The following PIK3R5 variants were observed in gnomAD, a reference collection of about 807,000 sequenced individuals.
The protein encoded by PIK3R5 is phosphoinositide 3-kinase regulatory subunit 5.
A neutral mutation model predicts 94.9 loss-of-function variants in PIK3R5; 32 were observed. The ratio of observed to expected loss-of-function variants is 0.34; its 90% CI spans 0.25 to 0.45. The LOEUF is 0.45. Among genes scored for constraint, PIK3R5 ranks in the 20% least tolerant of loss-of-function variants. The pLI, the probability that PIK3R5 is intolerant of heterozygous loss-of-function variation, is 1.00. For missense variants in PIK3R5, 853 were observed against 1,144.6 expected, an observed-to-expected ratio of 0.75 and a Z score of 3.68; for synonymous variants, 443 against 479.4, an observed-to-expected ratio of 0.92 and a Z score of 0.99.
rs1487416982 is a variant in PIK3R5 at position 8,881,958 on chromosome 17, G to A, written c.2206-77C>T. The A allele has an allele frequency of 8.2e-6, 9 of 1,103,262 alleles. No homozygotes were observed. Among genetic ancestry groups the A allele is most frequent in the Non-Finnish European group, 1.2e-5 (9 of 735,576 alleles). The allele number at this position is 1,103,262 out of a possible 1,614,324, so 68.3% of individuals were successfully genotyped here. ...CTGCCTTCTCTTTGAAGGCCCATCA[G>A]TGACAGGGGGTTGCCTCTAGTTAGC... On this transcript the variant is annotated intron_variant, in intron 15 of 18. Coordinates refer to ENST00000447110, the MANE Select transcript of PIK3R5 (RefSeq NM_001142633.3). The surrounding 1 kb of genome is among the most constrained non-coding windows in gnomAD (Gnocchi z 4.8).
At chr17:8,943,539 G>A (rs1202060372) in intron 1 of PIK3R5, among the ~76,000 whole-genome samples, 2 of 152,168 alleles carry the variant, frequency 1.3e-5, no homozygotes, top group Non-Finnish European at 2.9e-5. Context: ...TTGGGAGGCC[G>A]AGGCGGATGC....
In PIK3R5 at chr17:8,880,805, G is replaced by A. The variant is rs1454787869; in HGVS notation, c.2496-19C>T. The A allele has an allele frequency of 1.2e-6, 2 of 1,612,870 alleles. No individual in the cohort carries two copies. The highest frequency in any genetic ancestry group is 1.7e-6 in the Non-Finnish European group (2 of 1,179,174). On this transcript the variant is annotated intron_variant, in intron 18 of 18. Coordinates refer to ENST00000447110, the MANE Select transcript of PIK3R5 (RefSeq NM_001142633.3). ...CTCACATCTGTGCAGCAGGGCAGGG[G>A]CCAGGGATCAGAGCAGGCCCCCATC...
intron 3 of PIK3R5, 94 bp from the exon 4 acceptor site, chr17:8,905,831 CT>C (rs578092015): frequency 0.31 from 118,257 of 379,180 alleles, 4,860 homozygotes; most frequent in Non-Finnish European, 0.33. Flanking sequence ...TCTAGCCTTT[CT>C]TTTTTTTTTT....
chr17:8,950,274 G>C (rs1027134131), intron 1 of PIK3R5, among the ~76,000 whole-genome samples: 2 of 152,174 alleles, frequency 1.3e-5, no homozygotes, highest in Admixed American at 6.5e-5. Context: ...CCCTGCCTTT[G>C]GTCCTTTATA....
chr17:8,959,419 CTGTGTG>C (rs34656716), intron 1 of PIK3R5, among the ~76,000 whole-genome samples: 9 of 150,788 alleles, frequency 6.0e-5, no homozygotes, highest in Admixed American at 5.9e-4. Flanking sequence ...GCGAGAGAGA[CTGTGTG>C]TGTGTGTGTG....
Position 8,880,588 on chromosome 17 carries a change from G to A in PIK3R5, c.*51C>T, listed in dbSNP as rs541256857. ...CAGAGAGGGACTGTCCTGGAGGGGT[G>A]GCCGAGGAGGTTGCCCCAGGGCTTC... On this transcript the variant is annotated 3_prime_UTR_variant, in exon 19 of 19. Coordinates refer to ENST00000447110, the MANE Select transcript of PIK3R5 (RefSeq NM_001142633.3). 6.6e-6 allele frequency: 10 copies of A among 1,519,196 alleles called. No homozygotes were observed. The African/African-American group carries it at 1.2e-4, about 19-fold the overall frequency. The allele number at this position is 1,519,196 out of a possible 1,614,324, so 94.1% of individuals were successfully genotyped here.
In PIK3R5 at chr17:8,884,233, C is replaced by A. The variant is rs963916080; in HGVS notation, c.2205+474G>T. On this transcript the variant is annotated intron_variant, in intron 15 of 18. Coordinates refer to ENST00000447110, the MANE Select transcript of PIK3R5 (RefSeq NM_001142633.3). This position sits in a 1 kb window ranked among gnomAD's most constrained non-coding sequence, Gnocchi z 5.8. ...TTCCCTCAGCCTGGACCTTGGGATG[C>A]GACCTGCTCAGAGAACTCATGTCTT... 6.6e-6 allele frequency among the ~76,000 whole-genome samples: 1 copy of A among 152,116 alleles called. No individual in the cohort carries two copies. The highest frequency in any genetic ancestry group is 1.9e-4 in the East Asian group (1 of 5,200).
chr17:8,911,977 C>T lies in PIK3R5; in HGVS notation c.-13-470G>A, dbSNP rs570473994. On this transcript the variant is annotated intron_variant, in intron 1 of 18. Coordinates refer to ENST00000447110, the MANE Select transcript of PIK3R5 (RefSeq NM_001142633.3). The surrounding 1 kb of genome is among the most constrained non-coding windows in gnomAD (Gnocchi z 5.3). Reference sequence around the variant, plus strand: ...CTGATGACAAGGCCACAGCAACTCCCTCAATATGCTTGGAGGGAGCTCCCT... The same window carrying T: ...CTGATGACAAGGCCACAGCAACTCCTTCAATATGCTTGGAGGGAGCTCCCT... The T allele has an allele frequency of 3.3e-5, 5 of 152,900 alleles. No individual in the cohort carries two copies. Among genetic ancestry groups the T allele is most frequent in the African/African-American group, 1.2e-4 (5 of 41,584 alleles). The allele number at this position is 152,900 out of a possible 1,614,324, so 9.5% of individuals were successfully genotyped here.
intron 1 of PIK3R5, among the ~76,000 whole-genome samples, chr17:8,947,658 T>A (rs539331168): frequency 2.0e-5 from 3 of 152,122 alleles, no homozygotes; most frequent in African/African-American, 7.2e-5. Flanking sequence ...CCAGTGTGAC[T>A]TCCTGGGGCA....
At chr17:8,919,995 T>A (rs2090706860) in intron 1 of PIK3R5, among the ~76,000 whole-genome samples, 2 of 151,234 alleles carry the variant, frequency 1.3e-5, no homozygotes, top group Non-Finnish European at 2.9e-5. Context: ...GTTCAAGGGA[T>A]TCTCTTGCCT....
intron 6 of PIK3R5, 129 bp from the exon 7 acceptor site, chr17:8,891,041 G>T: frequency 1.2e-6 from 1 of 860,812 alleles, no homozygotes; most frequent in Middle Eastern, 3.5e-4. Flanking sequence ...GGCAGAGCTC[G>T]AGGAGGTGAC....
intron 1 of PIK3R5, among the ~76,000 whole-genome samples, chr17:8,915,413 CAA>C (rs201916256): frequency 3.2e-4 from 33 of 103,926 alleles, no homozygotes; most frequent in Admixed American, 3.0e-4. Flanking sequence ...GACTCTGTCT[CAA>C]AAAAAAAAAA....
chr17:8,906,802 A>G (rs534724992), intron 3 of PIK3R5, among the ~76,000 whole-genome samples: 11 of 152,276 alleles, frequency 7.2e-5, no homozygotes, highest in African/African-American at 1.9e-4. Flanking sequence ...GTCTCCAAAA[A>G]AAAAGGAGAA....
chr17:8,925,993 G>A lies in PIK3R5; in HGVS notation c.-13-14486C>T, dbSNP rs899646409. On this transcript the variant is annotated intron_variant, in intron 1 of 18. Transcript: ENST00000447110. This position sits in a 1 kb window ranked among gnomAD's most constrained non-coding sequence, Gnocchi z 5.1. Reference sequence around the variant, plus strand: ...TGTGGTCACTGAGGCTGTGAACCATGTGAAGCGAGAAGAGTGAGGAGAACA... The same window carrying A: ...TGTGGTCACTGAGGCTGTGAACCATATGAAGCGAGAAGAGTGAGGAGAACA... Among the ~76,000 whole-genome samples, 2 of 152,222 alleles carry A rather than the reference G, an allele frequency of 1.3e-5. No homozygotes were observed. Among genetic ancestry groups the A allele is most frequent in the African/African-American group, 2.4e-5 (1 of 41,454 alleles).
At position 8,884,654 on chromosome 17, in the gene PIK3R5, G is replaced by A. The variant is rs1172839586; in HGVS notation, c.2205+53C>T. 60 of 1,411,060 alleles carry A rather than the reference G, an allele frequency of 4.3e-5. No homozygotes were observed. Among genetic ancestry groups the A allele is most frequent in the Non-Finnish European group, 5.8e-5 (58 of 998,206 alleles). 87.4% of individuals were successfully genotyped at this position (1,411,060 alleles called of 1,614,324 possible). A position where few individuals can be genotyped will look rare whatever the true frequency, so the allele number is the denominator to read the frequency against. Reference sequence around the variant, plus strand: ...AGCTCTGGGTCCAAGCTCTGGCGGAGGAAGTATCAGCAGCAGATCCTGGAG... The same window carrying A: ...AGCTCTGGGTCCAAGCTCTGGCGGAAGAAGTATCAGCAGCAGATCCTGGAG... On this transcript the variant is annotated intron_variant, in intron 15 of 18. Transcript: ENST00000447110. This position sits in a 1 kb window ranked among gnomAD's most constrained non-coding sequence, Gnocchi z 5.8.
chr17:8,902,403 T>C (rs1034846497), intron 5 of PIK3R5, among the ~76,000 whole-genome samples: 20 of 151,812 alleles, frequency 1.3e-4, no homozygotes, highest in African/African-American at 4.1e-4. Context: ...TACAGGTGTA[T>C]GCCACCACGC....
chr17:8,913,182 C>T (rs1169968706), intron 1 of PIK3R5, among the ~76,000 whole-genome samples: 1 of 152,110 alleles, frequency 6.6e-6, no homozygotes, highest in African/African-American at 2.4e-5. Flanking sequence ...GTCAGGGAGG[C>T]CTCTCTGAAG....
chr17:8,891,015 G>A, intron 6 of PIK3R5, 103 bp from the exon 7 acceptor site: 1 of 1,156,560 alleles, frequency 8.6e-7, no homozygotes, highest in Non-Finnish European at 1.2e-6. Context: ...CTGAGACCAG[G>A]GCCTCCTCAA....
rs896289643 is a variant in PIK3R5 at position 8,881,485 on chromosome 17, TCACA to T, written c.2382+141_2382+144del. 8.6e-6 allele frequency: 6 copies of T among 699,932 alleles called. No individual in the cohort carries two copies. In the African/African-American group the frequency reaches 1.1e-4, roughly 12 times the overall value. 43.4% of individuals were successfully genotyped at this position (699,932 alleles called of 1,614,324 possible). A position where few individuals can be genotyped will look rare whatever the true frequency, so the allele number is the denominator to read the frequency against. ...TCCTCCCCCACCTCTCCTCTCTCTC[TCACA>T]CACACACAAGTATGTACACACGGGT... On this transcript the variant is annotated intron_variant, in intron 17 of 18. Coordinates refer to ENST00000447110, the MANE Select transcript of PIK3R5 (RefSeq NM_001142633.3). The surrounding 1 kb of genome is among the most constrained non-coding windows in gnomAD (Gnocchi z 4.8).
Sources: gnomAD v4.1 joint callset for allele counts (sites outside exome capture counted in the v4.1 genomes callset) on GRCh38, gnomAD v4.1.1 for gene constraint, Gnocchi (gnomAD v3.1) non-coding constraint, MANE v1.5 for transcripts, NCBI Gene and HGNC (gene_info 2026-07-23, HGNC 2026-07-21) for gene names.